The following GPHN variants were observed in gnomAD, a reference collection of about 807,000 sequenced individuals.
The protein encoded by GPHN is gephyrin.
Under a neutral mutation model 95.5 loss-of-function variants are expected in GPHN, and 17 were observed. The observed-to-expected ratio is 0.18, with a 90% CI of 0.12 to 0.27. GPHN has a LOEUF of 0.27. Ranked by LOEUF, GPHN falls within the 10% of genes least tolerant of loss-of-function variation. GPHN has a pLI of 1.00. For synonymous variants in GPHN, 320 were observed against 322.5 expected, an observed-to-expected ratio of 0.99 and a Z score of 0.08; for missense variants, 660 against 978.1, an observed-to-expected ratio of 0.67 and a Z score of 4.34.
At chr14:66,815,766 C>A (rs1229603500) in intron 3 of GPHN, among the ~76,000 whole-genome samples, 1 of 152,082 alleles carries the variant, frequency 6.6e-6, no homozygotes, top group African/African-American at 2.4e-5. Context: ...TGCAAAGTAA[C>A]CAGCTAACAT....
intron 1 of GPHN, among the ~76,000 whole-genome samples, chr14:66,549,155 A>G (rs983450267): frequency 6.6e-6 from 1 of 152,340 alleles, no homozygotes; most frequent in East Asian, 1.9e-4. Context: ...GAATGTGTCT[A>G]AAGTTTTTTT....
Position 66,604,848 on chromosome 14 carries a change from C to T in GPHN, c.65-76259C>T, listed in dbSNP as rs376520606. Among the ~76,000 whole-genome samples the T allele has an allele frequency of 5.5e-5, 8 of 146,318 alleles. 1 individual carries two copies. The South Asian group carries it at 9.2e-4, about 17-fold the overall frequency. The stretch of plus-strand genomic sequence containing the variant: ...TAGGTAGTTTTTCAGCCCATTTCCC[C>T]CTCCCTCCCCCCTCCCTCCTTTAGA... On this transcript the variant is annotated intron_variant, in intron 1 of 22. Transcript: ENST00000478722.
chr14:66,525,869 C>T (rs572801919), intron 1 of GPHN, among the ~76,000 whole-genome samples: 107 of 152,230 alleles, frequency 7.0e-4, no homozygotes, highest in African/African-American at 2.0e-3. Flanking sequence ...ACCTGTACCA[C>T]GCTGGTTTGG....
chr14:66,542,092 G>T (rs542800102), intron 1 of GPHN, among the ~76,000 whole-genome samples: 2 of 151,996 alleles, frequency 1.3e-5, no homozygotes, highest in Non-Finnish European at 2.9e-5. Flanking sequence ...CAGCTTTCTT[G>T]TCTCACTCTC....
the GPHN span, among the ~76,000 whole-genome samples, chr14:67,404,958 G>C: frequency 6.6e-6 from 1 of 152,068 alleles, no homozygotes; most frequent in Admixed American, 6.6e-5. Context: ...TGGTGGCCAG[G>C]TGCGGTGGCT....
At position 66,923,052 on chromosome 14, in the gene GPHN, A is replaced by T. The variant is rs74758279; in HGVS notation, c.729+114A>T. ...ATTTAATACTTCTTCAGAGAACCCT[A>T]AAAAAATAAGTGGGATGTCCATGAC... On this transcript the variant is annotated intron_variant, in intron 7 of 22. Transcript: ENST00000478722. The T allele has an allele frequency of 8.8e-4, 787 of 891,760 alleles. 11 individuals carry two copies. In the African/African-American group the frequency reaches 0.011, roughly 12 times the overall value. The allele number at this position is 891,760 out of a possible 1,614,324, so 55.2% of individuals were successfully genotyped here.
At chr14:67,376,438 G>T in the GPHN span, 1 of 1,588,338 alleles carries the variant, frequency 6.3e-7, no homozygotes, top group Non-Finnish European at 8.6e-7. Flanking sequence ...TTTATTTCTA[G>T]GTTTATAGCA....
chr14:66,575,254 T>A (rs2140405339), intron 1 of GPHN, among the ~76,000 whole-genome samples: 1 of 152,296 alleles, frequency 6.6e-6, no homozygotes, highest in Non-Finnish European at 1.5e-5. Context: ...TTTTCAGTAT[T>A]CTCACATGCT....
chr14:66,936,215 C>A (rs922936048), intron 8 of GPHN, among the ~76,000 whole-genome samples: 2 of 151,984 alleles, frequency 1.3e-5, no homozygotes, highest in African/African-American at 4.8e-5. Flanking sequence ...CTCGTCTCTA[C>A]TAAAAGTACA....
At chr14:67,618,935 T>A in the GPHN span, among the ~76,000 whole-genome samples, 1 of 152,220 alleles carries the variant, frequency 6.6e-6, no homozygotes, top group Non-Finnish European at 1.5e-5. Flanking sequence ...TGACATGAGG[T>A]GAAATAAATT....
chr14:67,659,547 G>A, the GPHN span, among the ~76,000 whole-genome samples: 1 of 151,740 alleles, frequency 6.6e-6, no homozygotes, highest in Non-Finnish European at 1.5e-5. Flanking sequence ...CGAAAGGCCT[G>A]CCTTAAATAG....
chr14:67,582,290 G>T, the GPHN span: 2 of 1,601,854 alleles, frequency 1.2e-6, no homozygotes, highest in Non-Finnish European at 1.7e-6. The surrounding 1 kb of genome is among the most constrained non-coding windows in gnomAD (Gnocchi z 5.0). Flanking sequence ...ACACAGGAGA[G>T]ATTCTGCAGA....
chr14:66,833,858 G>A (rs1256384250), intron 4 of GPHN, among the ~76,000 whole-genome samples: 1 of 152,082 alleles, frequency 6.6e-6, no homozygotes, highest in Non-Finnish European at 1.5e-5. Context: ...ATTTGTCAGT[G>A]CTATATCTTA....
the GPHN span, among the ~76,000 whole-genome samples, chr14:67,539,474 G>T: frequency 6.6e-6 from 1 of 152,092 alleles, no homozygotes; most frequent in East Asian, 1.9e-4. Context: ...TTCTCTGCAG[G>T]TCTTATTTTT....
chr14:66,744,511 T>C (rs2058063932), intron 2 of GPHN, among the ~76,000 whole-genome samples: 1 of 147,174 alleles, frequency 6.8e-6, no homozygotes. Flanking sequence ...TACTTGTAAG[T>C]CTAATGTTTA....
the GPHN span, chr14:67,208,091 G>A: frequency 6.9e-7 from 1 of 1,446,502 alleles, no homozygotes; most frequent in African/African-American, 1.4e-5. Context: ...CTCCTCACGG[G>A]TGCTCAGTGA....
chr14:67,582,851 A>G, the GPHN span, among the ~76,000 whole-genome samples: 1 of 152,052 alleles, frequency 6.6e-6, no homozygotes, highest in East Asian at 1.9e-4. The surrounding 1 kb of genome is among the most constrained non-coding windows in gnomAD (Gnocchi z 5.0). Flanking sequence ...ACAAAACAAA[A>G]CAAACAAACA....
chr14:66,762,558 TAAA>T (rs11323905), intron 2 of GPHN, among the ~76,000 whole-genome samples: 13,158 of 143,310 alleles, frequency 0.092, 1,155 homozygotes, highest in East Asian at 0.42. Context: ...TGTCACATAG[TAAA>T]AAAAAAAAAA....
intron 6 of GPHN, among the ~76,000 whole-genome samples, chr14:66,916,470 T>A (rs1308573107): frequency 1.3e-5 from 2 of 150,956 alleles, no homozygotes; most frequent in African/African-American, 4.9e-5. Flanking sequence ...GAGTTTTTGA[T>A]GTCCAGAGTT....
Sources: allele counts gnomAD v4.1 joint callset (sites outside exome capture counted in the v4.1 genomes callset), GRCh38; gene constraint gnomAD v4.1.1; non-coding constraint Gnocchi (gnomAD v3.1); transcripts MANE v1.5; gene names NCBI Gene and HGNC (gene_info 2026-07-23, HGNC 2026-07-21).